Variants in CDK12 observed in about 807,000 individuals in gnomAD.
The protein encoded by CDK12 is cyclin-dependent kinase 12.
In CDK12, 17 loss-of-function variants were observed where a neutral mutation model predicts 133.8. That is an observed-to-expected ratio of 0.13 (90% CI 0.09 to 0.19). The LOEUF (loss-of-function observed/expected upper bound fraction) is 0.19. Among genes scored for constraint, CDK12 ranks in the 10% least tolerant of loss-of-function variants. CDK12 has a pLI of 1.00. For missense variants in CDK12, 1,508 were observed against 1,818.7 expected (o/e 0.83, Z 3.11); for synonymous variants, 694 against 683.6 (o/e 1.02, Z -0.24).
intron 5 of CDK12, among the ~76,000 whole-genome samples, chr17:39,495,159 G>A (rs2051975477): frequency 6.6e-6 from 1 of 152,028 alleles, no homozygotes. Flanking sequence ...GCTCACTGCA[G>A]CCTCTGCCTC....
At chr17:39,498,758 C>G (rs547190843) in intron 5 of CDK12, among the ~76,000 whole-genome samples, 1 of 152,152 alleles carries the variant, frequency 6.6e-6, no homozygotes, top group East Asian at 1.9e-4. Context: ...TTCCAAAGCT[C>G]AGGCAATCCT....
chr17:39,542,031 A>G (rs2055444527), intron 1 of CDK12, among the ~76,000 whole-genome samples: 2 of 152,020 alleles, frequency 1.3e-5, no homozygotes, highest in Non-Finnish European at 2.9e-5. Context: ...CTTTAAGATG[A>G]CCCTTTCCTG....
intron 8 of CDK12, among the ~76,000 whole-genome samples, chr17:39,512,132 C>T (rs1484169901): frequency 6.6e-6 from 1 of 152,008 alleles, no homozygotes; most frequent in Non-Finnish European, 1.5e-5. Flanking sequence ...ATTCTGGAGT[C>T]CAGTGGCTGT....
rs539571309 is a variant in CDK12 at position 39,492,686 on chromosome 17, G to A, written c.2109-65G>A. The A allele has an allele frequency of 4.8e-5, 64 of 1,339,780 alleles. 1 individual carries two copies. The African/African-American group carries it at 7.3e-4, about 15-fold the overall frequency. The allele number at this position is 1,339,780 out of a possible 1,614,324, so 83.0% of individuals were successfully genotyped here. On this transcript the variant is annotated intron_variant, in intron 3 of 13. Transcript: ENST00000447079. ...GGCCTCCCAAAGTGCTGGGATTACA[G>A]GCATGAGCCACCGCGCCCGGCCTTC...
At chr17:39,515,701 C>T (rs1231266857) in intron 8 of CDK12, 30 bp from the exon 9 acceptor site, 3 of 1,480,508 alleles carry the variant, frequency 2.0e-6, no homozygotes, top group African/African-American at 2.8e-5. Flanking sequence ...AAGAATTTCT[C>T]TTCTGACCTC....
At chr17:39,527,815 G>A (rs1161791324) in intron 13 of CDK12, among the ~76,000 whole-genome samples, 1 of 152,094 alleles carries the variant, frequency 6.6e-6, no homozygotes, top group East Asian at 1.9e-4. Context: ...CCATAGTGCT[G>A]GGATTACAGG....
intron 2 of CDK12, among the ~76,000 whole-genome samples, chr17:39,472,601 G>A (rs2049877067): frequency 1.3e-5 from 2 of 151,850 alleles, no homozygotes; most frequent in Non-Finnish European, 2.9e-5. Flanking sequence ...TTGAACCCAG[G>A]ATATGGAGGT....
intron 10 of CDK12, among the ~76,000 whole-genome samples, chr17:39,518,535 AT>A (rs1236965399): frequency 6.6e-6 from 1 of 151,428 alleles, no homozygotes; most frequent in African/African-American, 2.4e-5. Context: ...CCTCTCTGTT[AT>A]TTTATTTTAC....
At chr17:39,517,668 G>A (rs2053897308) in intron 10 of CDK12, 112 bp downstream of exon 10, 1 of 645,978 alleles carries the variant, frequency 1.5e-6, no homozygotes, top group Non-Finnish European at 2.8e-6. Flanking sequence ...GCAACACAGT[G>A]TAGGAAAACA....
At chr17:39,499,688 T>C (rs996726704) in intron 5 of CDK12, among the ~76,000 whole-genome samples, 2 of 149,434 alleles carry the variant, frequency 1.3e-5, no homozygotes, top group Non-Finnish European at 3.0e-5. Flanking sequence ...TTTTGTATTT[T>C]TTTTTAGTAG....
chr17:39,520,794 A>G (rs1374556258), intron 11 of CDK12, among the ~76,000 whole-genome samples: 1 of 151,942 alleles, frequency 6.6e-6, no homozygotes, highest in East Asian at 1.9e-4. Flanking sequence ...GCAAGTAGCT[A>G]GGATTACAGG....
chr17:39,531,489 A>G lies in CDK12; in HGVS notation c.*173A>G. 1.9e-6 allele frequency: 1 copy of G among 531,476 alleles called. No individual in the cohort carries two copies. Among genetic ancestry groups the G allele is most frequent in the East Asian group, 3.3e-5 (1 of 29,950 alleles). The allele number at this position is 531,476 out of a possible 1,614,324, so 32.9% of individuals were successfully genotyped here. On this transcript the variant is annotated 3_prime_UTR_variant, in exon 14 of 14. Transcript: ENST00000447079. ...GCTACTAGCAGGCGACTTACGAAAT[A>G]ATGATGTTGGCACCAGTTCCCCCTG... is the stretch of plus-strand genomic sequence containing the variant.
At chr17:39,518,364 C>T (rs1381567423) in intron 10 of CDK12, among the ~76,000 whole-genome samples, 1 of 149,252 alleles carries the variant, frequency 6.7e-6, no homozygotes, top group East Asian at 2.0e-4. Context: ...ATAGGGTCTC[C>T]TAATGTTGCC....
In CDK12 at chr17:39,521,412, G is replaced by A. The variant is rs116516022; in HGVS notation, c.3095+1325G>A. On this transcript the variant is annotated intron_variant, in intron 11 of 13. Coordinates refer to ENST00000447079, the MANE Select transcript of CDK12 (RefSeq NM_016507.4). ...CAGCCTCCCAAGTAGCTGGAATTAC[G>A]CCACCATGCCCGGCTAATTTTTGTA... is the stretch of plus-strand genomic sequence containing the variant. Among the ~76,000 whole-genome samples, 1,408 of 150,870 alleles carry A rather than the reference G, an allele frequency of 9.3e-3. 20 individuals carry two copies. Among genetic ancestry groups the A allele is most frequent in the African/African-American group, 0.032 (1,328 of 41,038 alleles).
At chr17:39,546,950 C>T (rs1219172126), upstream of CDK12, among the ~76,000 whole-genome samples, 1 of 152,124 alleles carries the variant, frequency 6.6e-6, no homozygotes, top group Non-Finnish European at 1.5e-5. Flanking sequence ...ATCCCTTTTT[C>T]TATAGTTCAT....
chr17:39,513,693 CAG>C (rs1367746449), intron 8 of CDK12, among the ~76,000 whole-genome samples: 1 of 152,144 alleles, frequency 6.6e-6, no homozygotes, highest in Non-Finnish European at 1.5e-5. Flanking sequence ...GAAAAGAAAA[CAG>C]AAAAACACAA....
At position 39,471,533 on chromosome 17, in the gene CDK12, T is replaced by G; in HGVS notation, c.1701T>G (p.Pro567=). 6.2e-7 allele frequency: 1 copy of G among 1,607,830 alleles called. No homozygotes were observed. Among genetic ancestry groups the G allele is most frequent in the Non-Finnish European group, 8.5e-7 (1 of 1,178,358 alleles). ...CTCTTCCACAGCAACCACCTCTGCC[T>G]CCTTCTCAGCCAGCATTTAGTCAGG... ...IPALPQQPPL[P]PSQPAFSQVP... Residue 567 remains proline, a synonymous_variant, in exon 2 of 14, where the codon CCT becomes CCG. Coordinates refer to ENST00000447079, the MANE Select transcript of CDK12 (RefSeq NM_016507.4).
intron 7 of CDK12, among the ~76,000 whole-genome samples, chr17:39,510,272 A>T (rs1351934256): frequency 1.3e-5 from 2 of 151,736 alleles, no homozygotes; most frequent in East Asian, 3.9e-4. Flanking sequence ...GGTGCCCGCC[A>T]CTACGCCCAG....
chr17:39,482,500 C>T (rs2050790060), intron 2 of CDK12, among the ~76,000 whole-genome samples: 1 of 150,482 alleles, frequency 6.6e-6, no homozygotes, highest in Admixed American at 6.7e-5. Context: ...TTAGGGAACA[C>T]TTCACGAATT....
Sources: gnomAD v4.1 joint callset for allele counts (sites outside exome capture counted in the v4.1 genomes callset) on GRCh38, gnomAD v4.1.1 for gene constraint, MANE v1.5 for transcripts, NCBI Gene and HGNC (gene_info 2026-07-23, HGNC 2026-07-21) for gene names.